CRTAC1: variants seen among roughly 807,000 people sequenced by gnomAD.
The protein encoded by CRTAC1 is cartilage acidic protein 1, also known as acidic secreted protein in cartilage.
Under a neutral mutation model 67.8 loss-of-function variants are expected in CRTAC1, and 37 were observed. That is an observed-to-expected ratio of 0.55 (90% CI 0.42 to 0.72). CRTAC1 has a LOEUF of 0.72. CRTAC1 is among the 30% of genes least tolerant of loss of function. The probability of loss-of-function intolerance (pLI) is 0.00; values close to 1 mark genes in which losing one functional copy is unlikely to be tolerated. For synonymous variants in CRTAC1, 348 were observed against 371.0 expected, an observed-to-expected ratio of 0.94 and a Z score of 0.71; for missense variants, 780 against 931.6, an observed-to-expected ratio of 0.84 and a Z score of 2.12.
chr10:97,884,756 C>T (rs573286128), intron 11 of CRTAC1, among the ~76,000 whole-genome samples: 13 of 152,324 alleles, frequency 8.5e-5, no homozygotes, highest in African/African-American at 3.1e-4. Flanking sequence ...TTCTAGCAGA[C>T]AGGCCAAGCA....
At chr10:97,926,655 AGTAG>A (rs2050924252) in intron 3 of CRTAC1, among the ~76,000 whole-genome samples, 1 of 152,212 alleles carries the variant, frequency 6.6e-6, no homozygotes, top group Non-Finnish European at 1.5e-5. Flanking sequence ...ATTCACCCTA[AGTAG>A]GATAAATAAA....
chr10:98,027,059 C>T (rs1843248196), intron 1 of CRTAC1, among the ~76,000 whole-genome samples: 1 of 151,560 alleles, frequency 6.6e-6, no homozygotes. Flanking sequence ...CCCAGCTACT[C>T]GGGAGGCTGA....
chr10:97,991,167 G>T (rs550064975), intron 2 of CRTAC1, among the ~76,000 whole-genome samples: 1 of 150,286 alleles, frequency 6.7e-6, no homozygotes, highest in Admixed American at 6.6e-5. Flanking sequence ...CAGCTCAGGA[G>T]GCTGAGGTGG....
intron 2 of CRTAC1, among the ~76,000 whole-genome samples, chr10:98,003,751 C>T (rs1174788192): frequency 6.6e-6 from 1 of 152,194 alleles, no homozygotes; most frequent in Non-Finnish European, 1.5e-5. Flanking sequence ...CTGTCTACCA[C>T]ACCAACTGGC....
chr10:97,963,911 TG>T (rs2051569467), intron 2 of CRTAC1, among the ~76,000 whole-genome samples: 1 of 152,200 alleles, frequency 6.6e-6, no homozygotes, highest in Non-Finnish European at 1.5e-5. Flanking sequence ...TAGCAAGCAA[TG>T]AGCTGGAGTT....
At chr10:97,940,107 C>G (rs2051150113) in intron 2 of CRTAC1, among the ~76,000 whole-genome samples, 1 of 152,030 alleles carries the variant, frequency 6.6e-6, no homozygotes, top group South Asian at 2.1e-4. Flanking sequence ...CATGGGTAGC[C>G]TTACCAGAGC....
At chr10:97,946,001 G>A (rs2051258180) in intron 2 of CRTAC1, among the ~76,000 whole-genome samples, 1 of 152,190 alleles carries the variant, frequency 6.6e-6, no homozygotes, top group African/African-American at 2.4e-5. Context: ...AGAAGGCAGG[G>A]ACTATCCTAT....
At chr10:97,959,192 T>C (rs1269133476) in intron 2 of CRTAC1, among the ~76,000 whole-genome samples, 1 of 152,166 alleles carries the variant, frequency 6.6e-6, no homozygotes, top group East Asian at 1.9e-4. Flanking sequence ...CTAGACTCAA[T>C]GATTCATTGG....
chr10:97,940,543 C>T lies in CRTAC1; in HGVS notation c.225-4177G>A, dbSNP rs141635170. ...GCAACTGTAAAATATGCTTGAGAGA[C>T]GCCATCAAGGGCATGACCAACCCGT... On this transcript the variant is annotated intron_variant, in intron 2 of 14. Transcript: ENST00000370597. 3.1e-3 allele frequency among the ~76,000 whole-genome samples: 474 copies of T among 152,334 alleles called. 8 individuals are homozygous for T. The highest frequency in any genetic ancestry group is 0.027 in the Admixed American group (415 of 15,308).
intron 11 of CRTAC1, among the ~76,000 whole-genome samples, chr10:97,894,321 T>C (rs1451511824): frequency 6.6e-6 from 1 of 152,148 alleles, no homozygotes; most frequent in Non-Finnish European, 1.5e-5. Flanking sequence ...TTTGTTCTAA[T>C]AGGTGTGTAG....
At chr10:97,985,354 G>A (rs2051962738) in intron 2 of CRTAC1, among the ~76,000 whole-genome samples, 1 of 152,152 alleles carries the variant, frequency 6.6e-6, no homozygotes, top group Non-Finnish European at 1.5e-5. Context: ...TCCATGAGCT[G>A]ATGGAATCTT....
rs1205681134 is a variant in CRTAC1, at chr10:97,975,246, A to G, written c.224+35892T>C. Among the ~76,000 whole-genome samples the G allele has an allele frequency of 6.6e-6, 1 of 152,134 alleles. No individual in the cohort carries two copies. The highest frequency in any genetic ancestry group is 2.4e-5 in the African/African-American group (1 of 41,438). ...CTCTTGGCTCAATCCCAGGTCGCAG[A>G]GGGACCCGGGGCCCGGCTGACTGAT... On this transcript the variant is annotated intron_variant, in intron 2 of 14. Coordinates refer to ENST00000370597, the MANE Select transcript of CRTAC1 (RefSeq NM_018058.7). This position sits in a 1 kb window ranked among gnomAD's most constrained non-coding sequence, Gnocchi z 4.8.
intron 2 of CRTAC1, among the ~76,000 whole-genome samples, chr10:97,963,597 A>G (rs1338012068): frequency 6.6e-6 from 1 of 152,244 alleles, no homozygotes; most frequent in East Asian, 1.9e-4. Flanking sequence ...TGACTAAATG[A>G]AACATGACCT....
At chr10:97,939,460 C>T (rs2136618018) in intron 2 of CRTAC1, among the ~76,000 whole-genome samples, 1 of 152,278 alleles carries the variant, frequency 6.6e-6, no homozygotes, top group East Asian at 1.9e-4. Flanking sequence ...CCCCAGTCCC[C>T]ACTGCCTCCC....
chr10:97,956,244 T>C (rs1564911207), intron 2 of CRTAC1, among the ~76,000 whole-genome samples: 1 of 152,256 alleles, frequency 6.6e-6, no homozygotes, highest in African/African-American at 2.4e-5. Flanking sequence ...CTGCTTACTG[T>C]CTGCCAGGCA....
intron 3 of CRTAC1, 23 bp from the exon 4 acceptor site, chr10:97,923,423 G>A (rs1178617615): frequency 6.2e-7 from 1 of 1,613,888 alleles, no homozygotes; most frequent in Non-Finnish European, 8.5e-7. Context: ...GGAAAGGGAG[G>A]GCTGGTGGAC....
chr10:97,944,173 C>T (rs188705622), intron 2 of CRTAC1, among the ~76,000 whole-genome samples: 3 of 152,242 alleles, frequency 2.0e-5, no homozygotes, highest in African/African-American at 7.2e-5. Flanking sequence ...CATGCCTGTA[C>T]TTCCAGCACT....
intron 3 of CRTAC1, among the ~76,000 whole-genome samples, chr10:97,932,721 C>T (rs1194980080): frequency 6.6e-6 from 1 of 152,128 alleles, no homozygotes; most frequent in African/African-American, 2.4e-5. Flanking sequence ...GTCAGAAAGG[C>T]AACCCGGGTC....
intron 2 of CRTAC1, among the ~76,000 whole-genome samples, chr10:98,005,427 T>TA (rs1253736710): frequency 4.0e-5 from 6 of 149,878 alleles, no homozygotes; most frequent in South Asian, 4.2e-4. Context: ...TATTTTAAGT[T>TA]AAAAAAAAAG....
Sources: allele counts gnomAD v4.1 joint callset (sites outside exome capture counted in the v4.1 genomes callset), GRCh38; gene constraint gnomAD v4.1.1; non-coding constraint Gnocchi (gnomAD v3.1); transcripts MANE v1.5; gene names NCBI Gene and HGNC (gene_info 2026-07-23, HGNC 2026-07-21).